Variants in NREP observed in about 807,000 individuals in gnomAD.
NREP encodes the protein neuronal regeneration-related protein.
In NREP, 5 loss-of-function variants were observed where a neutral mutation model predicts 8.6. The observed-to-expected ratio is 0.58, with a 90% CI of 0.30 to 1.22. The LOEUF is 1.22. Among genes scored for constraint, NREP ranks in the 50% most tolerant of loss-of-function variants. NREP has a pLI of 0.07. For missense variants in NREP, 86 were observed against 82.5 expected (o/e 1.04, Z -0.17); for synonymous variants, 27 against 28.0 (o/e 0.96, Z 0.11).
At chr5:111,940,006 A>G (rs951107830) in intron 2 of NREP, 2 of 152,104 alleles carry the variant, frequency 1.3e-5, no homozygotes, top group Non-Finnish European at 2.9e-5. Context: ...TTCAATGTTC[A>G]ATTAACTTGG....
At chr5:111,879,643 G>A (rs1322189616) in intron 2 of NREP, among the ~76,000 whole-genome samples, 1 of 152,110 alleles carries the variant, frequency 6.6e-6, no homozygotes, top group Non-Finnish European at 1.5e-5. Context: ...ACATTACTCT[G>A]CTCAGGTTGC....
At chr5:111,784,472 G>A (rs1751563996) in intron 2 of NREP, among the ~76,000 whole-genome samples, 1 of 152,098 alleles carries the variant, frequency 6.6e-6, no homozygotes, top group Non-Finnish European at 1.5e-5. Flanking sequence ...GTCAGGAAGT[G>A]GGCTACATGT....
intron 2 of NREP, among the ~76,000 whole-genome samples, chr5:111,913,241 AT>A (rs1480842314): frequency 6.6e-6 from 1 of 152,128 alleles, no homozygotes; most frequent in Non-Finnish European, 1.5e-5. Context: ...CTAATTTCAA[AT>A]TCTAAATTCT....
At chr5:111,759,275 A>C (rs1208093755), upstream of NREP, among the ~76,000 whole-genome samples, 1 of 152,228 alleles carries the variant, frequency 6.6e-6, no homozygotes, top group African/African-American at 2.4e-5. Context: ...CCAAAAATCT[A>C]TCCCAGTGAT....
chr5:111,919,597 T>C (rs983376169), intron 2 of NREP, among the ~76,000 whole-genome samples: 38 of 152,004 alleles, frequency 2.5e-4, no homozygotes, highest in Non-Finnish European at 7.4e-5. Context: ...CTGGAAACCA[T>C]AATTCTCAGC....
intron 2 of NREP, among the ~76,000 whole-genome samples, chr5:111,851,112 G>A (rs1238993478): frequency 3.3e-5 from 5 of 152,166 alleles, no homozygotes; most frequent in African/African-American, 4.8e-5. Context: ...CTAAGATATA[G>A]TTTCTTCTGC....
At chr5:111,732,629 T>C (rs1010971448) in intron 3 of NREP, 1 of 141,616 alleles carries the variant, frequency 7.1e-6, no homozygotes, top group Non-Finnish European at 1.5e-5. Flanking sequence ...ATAATTTCAA[T>C]CTTGGAATCT....
Position 111,949,409 on chromosome 5 carries a change from T to C in NREP, c.135+25865A>G, listed in dbSNP as rs543704825. On this transcript the variant is annotated intron_variant, in intron 2 of 3. Coordinates refer to the NREP transcript ENST00000395634. ...CAAAATTTTATTTGGAAAATTCCTTTCCTTACACATAATGAAATCCCATCA... is the reference window on the plus strand; with the variant it reads ...CAAAATTTTATTTGGAAAATTCCTTCCCTTACACATAATGAAATCCCATCA... Among the ~76,000 whole-genome samples, 4 of 152,226 alleles carry C rather than the reference T, an allele frequency of 2.6e-5. No homozygotes were observed. The South Asian group carries it at 8.3e-4, about 32-fold the overall frequency.
chr5:111,972,919 G>A (rs1291078899), intron 2 of NREP, among the ~76,000 whole-genome samples: 2 of 152,160 alleles, frequency 1.3e-5, no homozygotes, highest in South Asian at 2.1e-4. Context: ...TATTCCATAA[G>A]CACAAAACTA....
intron 2 of NREP, among the ~76,000 whole-genome samples, chr5:111,736,097 G>A (rs189727481): frequency 5.7e-4 from 87 of 152,238 alleles, no homozygotes; most frequent in African/African-American, 1.9e-3. Flanking sequence ...GGTGGTGGGA[G>A]GGGGTGGAGC....
chr5:111,959,702 AC>A (rs1208716007), intron 2 of NREP, among the ~76,000 whole-genome samples: 1 of 152,072 alleles, frequency 6.6e-6, no homozygotes, highest in East Asian at 1.9e-4. Context: ...GTATATAAAG[AC>A]ATTGAAAAAA....
intron 2 of NREP, among the ~76,000 whole-genome samples, chr5:111,741,832 C>G (rs2447803): frequency 0.26 from 4,163 of 15,986 alleles, 98 homozygotes; most frequent in African/African-American, 0.35. Flanking sequence ...CATACACACA[C>G]ACACACACAC....
intron 2 of NREP, among the ~76,000 whole-genome samples, chr5:111,741,757 T>TA (rs968239494): frequency 6.6e-6 from 1 of 151,860 alleles, no homozygotes; most frequent in Admixed American, 6.6e-5. Flanking sequence ...TGCTGGGGCT[T>TA]AGGTTGGCAA....
intron 2 of NREP, among the ~76,000 whole-genome samples, chr5:111,912,139 G>C (rs1754929783): frequency 6.6e-6 from 1 of 151,952 alleles, no homozygotes; most frequent in Non-Finnish European, 1.5e-5. Flanking sequence ...AACTTTTGTT[G>C]GCCAGTTTAA....
At chr5:111,970,338 T>A (rs940211456) in intron 2 of NREP, among the ~76,000 whole-genome samples, 4 of 152,098 alleles carry the variant, frequency 2.6e-5, no homozygotes, top group Non-Finnish European at 5.9e-5. Flanking sequence ...TTGGTCTGAG[T>A]GTTTTTGCTC....
At chr5:111,958,717 C>G (rs1756397438) in intron 2 of NREP, among the ~76,000 whole-genome samples, 1 of 151,868 alleles carries the variant, frequency 6.6e-6, no homozygotes, top group African/African-American at 2.4e-5. Flanking sequence ...AAAAAATTCT[C>G]TAAATAATTT....
In NREP at chr5:111,731,039, A is replaced by C; in HGVS notation, c.89T>G (p.Leu30Arg). Reference sequence around the variant, plus strand: ...GCGGTTCACTTCCTTTGGGACAGGAAGTCTTCCCTGCAAAGCAGGCAGACC... The same window carrying C: ...GCGGTTCACTTCCTTTGGGACAGGACGTCTTCCCTGCAAAGCAGGCAGACC... ...DMEGRLPKGR[L>R]PVPKEVNRKK... Residue 30 changes from leucine (L) to arginine (R), a missense_variant, in exon 4 of 4, where the codon CTT becomes CGT. Leu to Arg is a moderately radical substitution (Grantham distance 102). Coordinates refer to ENST00000257435, the MANE Select transcript of NREP (RefSeq NM_004772.4). 6.2e-7 allele frequency: 1 copy of C among 1,613,854 alleles called. No individual in the cohort carries two copies. The highest frequency in any genetic ancestry group is 8.5e-7 in the Non-Finnish European group (1 of 1,179,800).
At chr5:111,880,879 C>T (rs541455756) in intron 2 of NREP, among the ~76,000 whole-genome samples, 2 of 151,670 alleles carry the variant, frequency 1.3e-5, no homozygotes, top group East Asian at 2.0e-4. Flanking sequence ...CTCCGTTCTA[C>T]AGCTCCCAGC....
intron 2 of NREP, among the ~76,000 whole-genome samples, chr5:111,834,821 G>C (rs1752855902): frequency 6.6e-6 from 1 of 152,124 alleles, no homozygotes; most frequent in Admixed American, 6.6e-5. Context: ...CTTATTTTCA[G>C]TGAATAGTAG....
Sources: allele counts gnomAD v4.1 joint callset (sites outside exome capture counted in the v4.1 genomes callset), GRCh38; gene constraint gnomAD v4.1.1; transcripts MANE v1.5; gene names NCBI Gene and HGNC (gene_info 2026-07-23, HGNC 2026-07-21).